The following GIGYF1 variants were observed in gnomAD, a reference collection of about 807,000 sequenced individuals.
GIGYF1 encodes the protein GRB10-interacting GYF protein 1.
A neutral mutation model predicts 147.1 loss-of-function variants in GIGYF1; 84 were observed. The observed-to-expected ratio is 0.57, with a 90% CI of 0.48 to 0.68. The LOEUF is 0.68. GIGYF1 is among the 30% of genes least tolerant of loss of function. The probability of loss-of-function intolerance (pLI) is 0.00; values close to 1 mark genes in which losing one functional copy is unlikely to be tolerated. For synonymous variants in GIGYF1, 752 were observed against 589.5 expected, an observed-to-expected ratio of 1.28 and a Z score of -3.99; for missense variants, 1,485 against 1,393.7, an observed-to-expected ratio of 1.07 and a Z score of -1.04.
rs763079330 is a variant in GIGYF1, at chr7:100,687,862, T to G, written c.187A>C (p.Lys63Gln). Residue 63 changes from lysine (K) to glutamine (Q), a missense_variant, in exon 6 of 27, where the codon AAG becomes CAG. Lys to Gln is a moderately conservative substitution (Grantham distance 53). Transcript: ENST00000678049. ...ENKVPEELQD[K>Q]EFAAVLQDEP... is the part of the protein sequence containing the mutation. Reference sequence around the variant, plus strand: ...TCCTGCAGCACCGCGGCGAACTCCTTGTCCTGCAGCTCTTCCGGGACCTGG... The same window carrying G: ...TCCTGCAGCACCGCGGCGAACTCCTGGTCCTGCAGCTCTTCCGGGACCTGG... 1 of 1,613,362 alleles carries G rather than the reference T, an allele frequency of 6.2e-7. No homozygotes were observed. Among genetic ancestry groups the G allele is most frequent in the South Asian group, 1.1e-5 (1 of 91,078 alleles).
chr7:100,688,141 G>A lies in GIGYF1; in HGVS notation c.36-31C>T, dbSNP rs762366610. ...CACAACACAGAGAGAAGAAGACAGA[G>A]GTCAGGGCAGCCTGACTGTGCTTTC... On this transcript the variant is annotated intron_variant, in intron 4 of 26. Coordinates refer to ENST00000678049, the MANE Select transcript of GIGYF1 (RefSeq NM_001375765.1). 56 of 1,606,424 alleles carry A rather than the reference G, an allele frequency of 3.5e-5. No individual in the cohort carries two copies. The Middle Eastern group carries it at 5.0e-4, about 14-fold the overall frequency.
At chr7:100,692,162 AGCGTGGTAG>A (rs1805880046) in intron 1 of GIGYF1, among the ~76,000 whole-genome samples, 1 of 152,226 alleles carries the variant, frequency 6.6e-6, no homozygotes, top group South Asian at 2.1e-4. Context: ...AGATTCTCCA[AGCGTGGTAG>A]GGTGAGGACG....
rs763751611 is a variant in GIGYF1, at chr7:100,682,670, G to A, written c.2520C>T (p.Leu840=). ...CGCCGCTCTTGGGGGTGTCCTCCCA[G>A]AGCCCCAGGCCGCTGCTGCCGCCCC... The part of the protein sequence containing the change: ...KSGGGSSGLG[L]WEDTPKSGGS... The change falls in exon 23 of 27, where the codon CTC becomes CTT. Residue 840 remains leucine, a synonymous_variant. Coordinates refer to ENST00000678049, the MANE Select transcript of GIGYF1 (RefSeq NM_001375765.1). 1 of 1,603,624 alleles carries A rather than the reference G, an allele frequency of 6.2e-7. No homozygotes were observed.
In GIGYF1 at chr7:100,686,214, G is replaced by C. The variant is rs1255793483; in HGVS notation, c.914C>G (p.Thr305Ser). Reference sequence around the variant, plus strand: ...CAAGAAGGCCCCAGAGGCATCAAAGGTGCCCATTTCTTCATCCTCATCGTC... The same window carrying C: ...CAAGAAGGCCCCAGAGGCATCAAAGCTGCCCATTTCTTCATCCTCATCGTC... ...CLDDEDEEMG[T>S]FDASGAFLPL... The change falls in exon 11 of 27, where the codon ACC becomes AGC. Residue 305 changes from threonine (T) to serine (S), a missense_variant. Transcript: ENST00000678049. 4 of 1,613,582 alleles carry C rather than the reference G, an allele frequency of 2.5e-6. No individual in the cohort carries two copies. The highest frequency in any genetic ancestry group is 1.3e-5 in the African/African-American group (1 of 74,978).
intron 14 of GIGYF1, 23 bp downstream of exon 14, chr7:100,685,026 C>T: frequency 6.4e-7 from 1 of 1,557,400 alleles, no homozygotes; most frequent in Non-Finnish European, 8.7e-7. Flanking sequence ...AAGGGTCCCT[C>T]CCGCTTTCTC....
At chr7:100,692,110 CCCCAGGCCTGCTGGAGG>C (rs1232324575) in intron 1 of GIGYF1, among the ~76,000 whole-genome samples, 4 of 152,372 alleles carry the variant, frequency 2.6e-5, no homozygotes, top group South Asian at 4.1e-4. Flanking sequence ...AACCGCCCAG[CCCCAGGCCTGCTGGAGG>C]GGACCTGGCC....
chr7:100,681,686 G>GC lies in GIGYF1; in HGVS notation c.*32dup. 6.6e-7 allele frequency: 1 copy of GC among 1,519,098 alleles called. No homozygotes were observed. Among genetic ancestry groups the GC allele is most frequent in the Non-Finnish European group, 8.8e-7 (1 of 1,134,444 alleles). 94.1% of individuals were successfully genotyped at this position (1,519,098 alleles called of 1,614,324 possible). A position where few individuals can be genotyped will look rare whatever the true frequency, so the allele number is the denominator to read the frequency against. On this transcript the variant is annotated 3_prime_UTR_variant, in exon 27 of 27. Coordinates refer to ENST00000678049, the MANE Select transcript of GIGYF1 (RefSeq NM_001375765.1). ...GGTCCACGCCGCTGTGGCTGCCCTGGCCTACAGCCCAGGGGCTGGGGGTCC... is the reference window on the plus strand; with the variant it reads ...GGTCCACGCCGCTGTGGCTGCCCTGGCCCTACAGCCCAGGGGCTGGGGGTCC...
At chr7:100,682,299 C>G (rs1485817368) in intron 24 of GIGYF1, 23 bp downstream of exon 24, 2 of 1,609,488 alleles carry the variant, frequency 1.2e-6, no homozygotes, top group Admixed American at 1.7e-5. Context: ...GTCCCGCCCA[C>G]CTCCTGGGAG....
chr7:100,685,627 C>A, intron 12 of GIGYF1, 146 bp from the exon 13 acceptor site: 2 of 884,282 alleles, frequency 2.3e-6, no homozygotes, highest in South Asian at 1.7e-5. Flanking sequence ...CAACTAATGG[C>A]AGAGGGAATG....
chr7:100,682,545 C>T (rs756696573), intron 23 of GIGYF1, 45 bp downstream of exon 23: 5 of 1,595,012 alleles, frequency 3.1e-6, no homozygotes, highest in East Asian at 4.5e-5. Context: ...GGTCTGCCAC[C>T]TTCCCCCTCA....
intron 6 of GIGYF1, 50 bp from the exon 7 acceptor site, chr7:100,687,666 T>TGCC: frequency 7.5e-7 from 1 of 1,337,970 alleles, no homozygotes; most frequent in Non-Finnish European, 1.0e-6. Context: ...CCCAACCACC[T>TGCC]CCACCCCCAC....
At chr7:100,687,069 G>T (rs753861575) in intron 8 of GIGYF1, 23 bp from the exon 9 acceptor site, 9 of 1,613,732 alleles carry the variant, frequency 5.6e-6, no homozygotes, top group Non-Finnish European at 6.8e-6. Context: ...AAACGTGTGG[G>T]TCAGAAACAG....
chr7:100,686,565 T>C, intron 10 of GIGYF1, 84 bp downstream of exon 10: 1 of 1,527,734 alleles, frequency 6.5e-7, no homozygotes, highest in Non-Finnish European at 8.8e-7. Flanking sequence ...CTCTGCTCCC[T>C]CCCCGTGGCT....
intron 8 of GIGYF1, 91 bp downstream of exon 8, chr7:100,687,207 C>G: frequency 6.8e-7 from 1 of 1,461,752 alleles, no homozygotes; most frequent in South Asian, 1.2e-5. Flanking sequence ...CAGGGCTTAT[C>G]TGGTGGGCCT....
In GIGYF1 at chr7:100,681,581, T is replaced by C. The variant is rs1050101720; in HGVS notation, c.*138A>G. On this transcript the variant is annotated 3_prime_UTR_variant, in exon 27 of 27. Coordinates refer to ENST00000678049, the MANE Select transcript of GIGYF1 (RefSeq NM_001375765.1). ...GTGGTGGGTGAGTTAAGGTGCATCG[T>C]GTGTTTGTAACAAGTGCTGGGGACC... 1 of 614,152 alleles carries C rather than the reference T, an allele frequency of 1.6e-6. No homozygotes were observed. Among genetic ancestry groups the C allele is most frequent in the Non-Finnish European group, 2.6e-6 (1 of 380,060 alleles). 38.0% of individuals were successfully genotyped at this position (614,152 alleles called of 1,614,324 possible).
Position 100,681,767 on chromosome 7 carries a change from G to A in GIGYF1, c.3060C>T (p.Tyr1020=), listed in dbSNP as rs1408206240. 3 of 1,589,216 alleles carry A rather than the reference G, an allele frequency of 1.9e-6. No individual in the cohort carries two copies. Among genetic ancestry groups the A allele is most frequent in the Non-Finnish European group, 2.6e-6 (3 of 1,166,470 alleles). The part of the protein sequence containing the change: ...MLHSDPSILG[Y]SLHGSSGEIE... ...TCTCACCAGAAGATCCGTGCAGGGA[G>A]TACCCTGAAGCCGGGGAGAAGCTGC... The change falls in exon 27 of 27, where the codon TAC becomes TAT. Residue 1020 remains tyrosine, a synonymous_variant. Transcript: ENST00000678049.
intron 1 of GIGYF1, among the ~76,000 whole-genome samples, chr7:100,692,302 A>C (rs1399661395): frequency 6.6e-6 from 1 of 152,228 alleles, no homozygotes; most frequent in Non-Finnish European, 1.5e-5. Flanking sequence ...CTACAAGTTA[A>C]CAGTTTTCAA....
intron 10 of GIGYF1, 28 bp downstream of exon 10, chr7:100,686,621 C>G: frequency 6.3e-7 from 1 of 1,591,470 alleles, no homozygotes; most frequent in Non-Finnish European, 8.5e-7. Flanking sequence ...CCACTGCCCC[C>G]GCCAATGCTA....
rs1012372591 is a variant in GIGYF1 at position 100,688,312 on chromosome 7, G to C, written c.-69-5C>G. ...TGGCGTTCACTGTCCAAACACCTGT[G>C]GGGGAACAGGGGCCATGAAGAACAG... On this transcript the variant is annotated splice_region_variant and splice_polypyrimidine_tract_variant and intron_variant, in intron 3 of 26. Transcript: ENST00000678049. 2 of 1,151,582 alleles carry C rather than the reference G, an allele frequency of 1.7e-6. No homozygotes were observed. The highest frequency in any genetic ancestry group is 1.3e-5 in the South Asian group (1 of 77,248). 71.3% of individuals were successfully genotyped at this position (1,151,582 alleles called of 1,614,324 possible). A position where few individuals can be genotyped will look rare whatever the true frequency, so the allele number is the denominator to read the frequency against.
Sources: allele counts gnomAD v4.1 joint callset (sites outside exome capture counted in the v4.1 genomes callset), GRCh38; gene constraint gnomAD v4.1.1; transcripts MANE v1.5; gene names NCBI Gene and HGNC (gene_info 2026-07-23, HGNC 2026-07-21).